Variants in MEGF8 observed in about 807,000 individuals in gnomAD.
MEGF8 encodes multiple epidermal growth factor-like domains protein 8.
In MEGF8, 156 loss-of-function variants were observed where a neutral mutation model predicts 302.9. The ratio of observed to expected loss-of-function variants is 0.52; its 90% CI spans 0.45 to 0.59. The LOEUF is 0.59. MEGF8 is among the 20% of genes least tolerant of loss of function. The pLI, the probability that MEGF8 is intolerant of heterozygous loss-of-function variation, is 0.00. For missense variants in MEGF8, 3,345 were observed against 3,964.5 expected, an observed-to-expected ratio of 0.84 and a Z score of 4.20; for synonymous variants, 1,621 against 1,660.5, an observed-to-expected ratio of 0.98 and a Z score of 0.58.
chr19:42,374,470 C>CAAAAAA, intron 41 of MEGF8, among the ~76,000 whole-genome samples: 1 of 56,288 alleles, frequency 1.8e-5, no homozygotes, highest in Non-Finnish European at 3.9e-5. Context: ...GACTCTGTCT[C>CAAAAAA]AAAAAAAAAA....
At position 42,357,091 on chromosome 19, in the gene MEGF8, T is replaced by G; in HGVS notation, c.4830+110T>G. ...CCCAGAGGAAACAGAAGCCCCAAACTTGAATTTCCTCGGCCATCCTGGGTC... is the reference window on the plus strand; with the variant it reads ...CCCAGAGGAAACAGAAGCCCCAAACGTGAATTTCCTCGGCCATCCTGGGTC... On this transcript the variant is annotated intron_variant, in intron 27 of 41. Transcript: ENST00000251268. The surrounding 1 kb of genome is among the most constrained non-coding windows in gnomAD (Gnocchi z 5.2). The G allele has an allele frequency of 8.4e-7, 1 of 1,195,742 alleles. No individual in the cohort carries two copies. Among genetic ancestry groups the G allele is most frequent in the Non-Finnish European group, 1.2e-6 (1 of 869,054 alleles). The allele number at this position is 1,195,742 out of a possible 1,614,324, so 74.1% of individuals were successfully genotyped here.
chr19:42,351,316 G>C lies in MEGF8; in HGVS notation c.2837G>C (p.Cys946Ser). ...GRGALKSPEE[C>S]PPLCSQRLTC... ...GGTGCCCTGAAGAGTCCAGAGGAGTGTCCCCCGCTCTGCAGCCAGTGAGTC... is the reference window on the plus strand; with the variant it reads ...GGTGCCCTGAAGAGTCCAGAGGAGTCTCCCCCGCTCTGCAGCCAGTGAGTC... Residue 946 changes from cysteine (C) to serine (S), a missense_variant, in exon 16 of 42, where the codon TGT becomes TCT. Transcript: ENST00000251268. This position sits in a 1 kb window ranked among gnomAD's most constrained non-coding sequence, Gnocchi z 5.6. 1 of 1,568,248 alleles carries C rather than the reference G, an allele frequency of 6.4e-7. No homozygotes were observed. Among genetic ancestry groups the C allele is most frequent in the Non-Finnish European group, 8.6e-7 (1 of 1,156,262 alleles).
In MEGF8 at chr19:42,369,521, G is replaced by T. The variant is rs1216146124; in HGVS notation, c.6642-10G>T. 1 of 1,599,768 alleles carries T rather than the reference G, an allele frequency of 6.3e-7. No homozygotes were observed. The highest frequency in any genetic ancestry group is 8.5e-7 in the Non-Finnish European group (1 of 1,174,798). ...GGCCACCTGCCCTGACCCCCACTTT[G>T]CCCCTGCAGCATGACAGGGCTGTGC... On this transcript the variant is annotated splice_polypyrimidine_tract_variant and intron_variant, in intron 37 of 41. Coordinates refer to ENST00000251268, the MANE Select transcript of MEGF8 (RefSeq NM_001271938.2). This position sits in a 1 kb window ranked among gnomAD's most constrained non-coding sequence, Gnocchi z 5.7.
intron 23 of MEGF8, 64 bp from the exon 24 acceptor site, chr19:42,355,694 A>C (rs986248828): frequency 6.2e-5 from 93 of 1,488,002 alleles, no homozygotes; most frequent in Non-Finnish European, 8.1e-5. Context: ...TTTTCTTAGC[A>C]TCTGGGGGTG....
In MEGF8 at chr19:42,333,666, T is replaced by G; in HGVS notation, c.249T>G (p.Tyr83Ter). Residue 83 changes from tyrosine (Y) to a stop codon, truncating the protein, a stop_gained, in exon 2 of 42, where the codon TAT becomes TAG. Transcript: ENST00000251268. LOFTEE classifies it high-confidence loss of function. The part of the protein sequence containing the change: ...DFLFLDTECT[Y>*]DYLFVYDGDS... ...TTTTCCTGGACACAGAGTGCACGTA[T>G]GACTACCTGTTCGTGTATGACGGTG... The G allele has an allele frequency of 6.2e-7, 1 of 1,614,006 alleles. No individual in the cohort carries two copies.
In MEGF8 at chr19:42,356,123, C is replaced by G; in HGVS notation, c.4433C>G (p.Pro1478Arg). 1 of 1,583,376 alleles carries G rather than the reference C, an allele frequency of 6.3e-7. No homozygotes were observed. Among genetic ancestry groups the G allele is most frequent in the Non-Finnish European group, 8.6e-7 (1 of 1,163,626 alleles). The change falls in exon 25 of 42, where the codon CCC becomes CGC. Residue 1478 changes from proline (P) to arginine (R), a missense_variant. Coordinates refer to ENST00000251268, the MANE Select transcript of MEGF8 (RefSeq NM_001271938.2). This position sits in a 1 kb window ranked among gnomAD's most constrained non-coding sequence, Gnocchi z 5.2. ...ATCTGTGCCGAGGGCTTCGGGGGCCCCGACTGCGCCACCAAGCTGGATGGC... is the reference window on the plus strand; with the variant it reads ...ATCTGTGCCGAGGGCTTCGGGGGCCGCGACTGCGCCACCAAGCTGGATGGC... ...VCICAEGFGG[P>R]DCATKLDGGQ...
At chr19:42,364,170 C>G (rs541348585) in intron 35 of MEGF8, among the ~76,000 whole-genome samples, 5 of 152,208 alleles carry the variant, frequency 3.3e-5, no homozygotes, top group Admixed American at 3.3e-4. Flanking sequence ...TGTGTGTACC[C>G]GTGACAGTCC....
At chr19:42,332,369 C>T (rs554607633) in intron 1 of MEGF8, among the ~76,000 whole-genome samples, 12 of 151,952 alleles carry the variant, frequency 7.9e-5, no homozygotes, top group Non-Finnish European at 1.6e-4. Context: ...TTTGGCTTTT[C>T]TTTGTTTTTT....
In MEGF8 at chr19:42,354,453, G is replaced by C; in HGVS notation, c.4012-135G>C. On this transcript the variant is annotated intron_variant, in intron 22 of 41. Coordinates refer to ENST00000251268, the MANE Select transcript of MEGF8 (RefSeq NM_001271938.2). This position sits in a 1 kb window ranked among gnomAD's most constrained non-coding sequence, Gnocchi z 4.3. Reference sequence around the variant, plus strand: ...GGTGGCCTTATGCCATAGTTTGACAGTCTCCCCTGGATGTTCAAACAGCCC... The same window carrying C: ...GGTGGCCTTATGCCATAGTTTGACACTCTCCCCTGGATGTTCAAACAGCCC... 1 of 1,022,186 alleles carries C rather than the reference G, an allele frequency of 9.8e-7. No individual in the cohort carries two copies. The highest frequency in any genetic ancestry group is 1.4e-6 in the Non-Finnish European group (1 of 694,902). The allele number at this position is 1,022,186 out of a possible 1,614,324, so 63.3% of individuals were successfully genotyped here.
Position 42,370,726 on chromosome 19 carries a change from C to A in MEGF8, c.7031C>A (p.Pro2344His). The A allele has an allele frequency of 6.3e-7, 1 of 1,591,464 alleles. No individual in the cohort carries two copies. The highest frequency in any genetic ancestry group is 2.3e-5 in the East Asian group (1 of 43,886). Reference protein sequence around the residue: ...EEIENWVTEGPSEDEAVCVNC... With the variant: ...EEIENWVTEGHSEDEAVCVNC... The stretch of plus-strand genomic sequence containing the variant: ...ATTGAAAACTGGGTGACAGAGGGTC[C>A]TAGTGAAGACGAGGCCGTGTGCGTG... Residue 2344 changes from proline (P) to histidine (H), a missense_variant, in exon 40 of 42, where the codon CCT (proline) becomes CAT (histidine). Physicochemically the swap from Pro to His is moderately conservative, Grantham distance 77. Coordinates refer to ENST00000251268, the MANE Select transcript of MEGF8 (RefSeq NM_001271938.2).
intron 35 of MEGF8, among the ~76,000 whole-genome samples, chr19:42,365,215 G>A (rs1479102717): frequency 6.6e-6 from 1 of 152,076 alleles, no homozygotes; most frequent in Non-Finnish European, 1.5e-5. Flanking sequence ...GCTCCAGGGA[G>A]CAGAAGGCAT....
Position 42,369,829 on chromosome 19 carries a change from A to C in MEGF8, c.6834+106A>C. On this transcript the variant is annotated intron_variant, in intron 38 of 41. Transcript: ENST00000251268. This position sits in a 1 kb window ranked among gnomAD's most constrained non-coding sequence, Gnocchi z 5.7. Reference sequence around the variant, plus strand: ...ATCTCATCCTGAGCCCTGATAAGCCAGGGACAGATAAGCCAGAGCCCTGTC... The same window carrying C: ...ATCTCATCCTGAGCCCTGATAAGCCCGGGACAGATAAGCCAGAGCCCTGTC... The C allele has an allele frequency of 7.9e-7, 1 of 1,266,942 alleles. No homozygotes were observed. 78.5% of individuals were successfully genotyped at this position (1,266,942 alleles called of 1,614,324 possible).
Position 42,357,122 on chromosome 19 carries a change from G to A in MEGF8, c.4830+141G>A. 1 of 972,800 alleles carries A rather than the reference G, an allele frequency of 1.0e-6. No individual in the cohort carries two copies. Among genetic ancestry groups the A allele is most frequent in the Non-Finnish European group, 1.5e-6 (1 of 669,542 alleles). The allele number at this position is 972,800 out of a possible 1,614,324, so 60.3% of individuals were successfully genotyped here. The stretch of plus-strand genomic sequence containing the variant: ...TTCCTCGGCCATCCTGGGTCACACT[G>A]TTGTCCTGAGCCAGTCCTGGGCTGG... On this transcript the variant is annotated intron_variant, in intron 27 of 41. Coordinates refer to ENST00000251268, the MANE Select transcript of MEGF8 (RefSeq NM_001271938.2). This position sits in a 1 kb window ranked among gnomAD's most constrained non-coding sequence, Gnocchi z 5.2.
chr19:42,348,433 C>T lies in MEGF8; in HGVS notation c.2259C>T (p.Val753=). Residue 753 remains valine, a synonymous_variant, in exon 13 of 42, where the codon GTC becomes GTT. Transcript: ENST00000251268. ...GGACGCGGGCCCAGCGCCTACACGT[C>T]CTGGCCCGGATGGCCCGTGGCCCTG... is the stretch of plus-strand genomic sequence containing the variant. ...AVWTRAQRLH[V]LARMARGPDT... 1 of 1,532,184 alleles carries T rather than the reference C, an allele frequency of 6.5e-7. No homozygotes were observed. The highest frequency in any genetic ancestry group is 8.7e-7 in the Non-Finnish European group (1 of 1,142,874). The allele number at this position is 1,532,184 out of a possible 1,614,324, so 94.9% of individuals were successfully genotyped here.
Position 42,357,355 on chromosome 19 carries a change from G to A in MEGF8, c.4831-49G>A. On this transcript the variant is annotated intron_variant, in intron 27 of 41. Coordinates refer to ENST00000251268, the MANE Select transcript of MEGF8 (RefSeq NM_001271938.2). This position sits in a 1 kb window ranked among gnomAD's most constrained non-coding sequence, Gnocchi z 5.2. ...TGAGGCTCGCTTCTACCCACAAGGT[G>A]ACCCCTGACCTCTAGCCCCATCGGT... 1 of 1,581,146 alleles carries A rather than the reference G, an allele frequency of 6.3e-7. No individual in the cohort carries two copies. The highest frequency in any genetic ancestry group is 1.3e-5 in the African/African-American group (1 of 74,404).
chr19:42,349,820 C>T (rs2039343005), intron 14 of MEGF8, 121 bp downstream of exon 14: 1 of 1,040,810 alleles, frequency 9.6e-7, no homozygotes, highest in Middle Eastern at 2.5e-4. Context: ...GACTCCTTAA[C>T]TCTTGGCCTC....
chr19:42,337,909 T>G (rs927958901), intron 8 of MEGF8, among the ~76,000 whole-genome samples: 4 of 152,296 alleles, frequency 2.6e-5, no homozygotes, highest in African/African-American at 9.6e-5. Flanking sequence ...GTTCAAGCGA[T>G]TCTCCTGTCT....
chr19:42,364,271 G>A (rs1177233456), intron 35 of MEGF8, among the ~76,000 whole-genome samples: 1 of 152,118 alleles, frequency 6.6e-6, no homozygotes, highest in Non-Finnish European at 1.5e-5. Context: ...TGTCGTGGTG[G>A]CAGACAAAGG....
rs200383522 is a variant in MEGF8, at chr19:42,350,300, C to T, written c.2652C>T (p.Asp884=). The change falls in exon 15 of 42, where the codon GAC becomes GAT. Residue 884 remains aspartate (D), a synonymous_variant. Transcript: ENST00000251268. ...AGGGCGGAGCCCATTGCGGGGATGA[C>T]GGGGCTGGTGGGTCCCTGCTGGTGC... ...LRQGGAHCGD[D]GAGGSLLVLV... The T allele has an allele frequency of 1.1e-5, 17 of 1,609,192 alleles. No homozygotes were observed. Among genetic ancestry groups the T allele is most frequent in the East Asian group, 6.7e-5 (3 of 44,884 alleles).
Sources: gnomAD v4.1 joint callset for allele counts (sites outside exome capture counted in the v4.1 genomes callset) on GRCh38, gnomAD v4.1.1 for gene constraint, Gnocchi (gnomAD v3.1) non-coding constraint, MANE v1.5 for transcripts, NCBI Gene and HGNC (gene_info 2026-07-23, HGNC 2026-07-21) for gene names.